LUZP1: variants seen among roughly 807,000 people sequenced by gnomAD.
LUZP1 encodes the protein filamin mechanobinding actin cross-linking protein.
Under a neutral mutation model 71.3 loss-of-function variants are expected in LUZP1, and 25 were observed. That is an observed-to-expected ratio of 0.35 (90% CI 0.26 to 0.49). LUZP1 has a LOEUF of 0.49. LUZP1 is among the 20% of genes least tolerant of loss of function. LUZP1 has a pLI of 0.99. For missense variants in LUZP1, 1,142 were observed against 1,300.8 expected (o/e 0.88, Z 1.88); for synonymous variants, 481 against 506.4 (o/e 0.95, Z 0.67).
intron 2 of LUZP1, among the ~76,000 whole-genome samples, chr1:23,109,422 C>A (rs751863047): frequency 9.2e-5 from 14 of 152,188 alleles, no homozygotes; most frequent in Non-Finnish European, 1.0e-4. Context: ...CCCGAACATT[C>A]CTCAACAGTC....
intron 2 of LUZP1, among the ~76,000 whole-genome samples, chr1:23,117,478 C>CTCTCTCT (rs35662791): frequency 0.032 from 559 of 17,318 alleles, 5 homozygotes; most frequent in South Asian, 0.054. Flanking sequence ...TCTCTCTCTC[C>CTCTCTCT]CCCCCCCCCC....
At chr1:23,111,391 C>CA (rs530620134) in intron 2 of LUZP1, among the ~76,000 whole-genome samples, 25,544 of 140,892 alleles carry the variant, frequency 0.18, 2,250 homozygotes, top group African/African-American at 0.22. Context: ...CCCATCTCTA[C>CA]AAAAAAAAAA....
chr1:23,117,143 T>C (rs930008247), intron 2 of LUZP1, among the ~76,000 whole-genome samples: 9 of 152,180 alleles, frequency 5.9e-5, no homozygotes, highest in Non-Finnish European at 1.2e-4. Context: ...TTTGTCTCTA[T>C]TCCACACTCT....
At chr1:23,121,299 C>A (rs1418417104) in intron 2 of LUZP1, among the ~76,000 whole-genome samples, 1 of 152,204 alleles carries the variant, frequency 6.6e-6, no homozygotes, top group African/African-American at 2.4e-5. Context: ...CTAAATGCCT[C>A]AAGAGCAGAG....
chr1:23,156,415 G>A (rs529774787), intron 2 of LUZP1, among the ~76,000 whole-genome samples: 1 of 152,052 alleles, frequency 6.6e-6, no homozygotes, highest in East Asian at 1.9e-4. Flanking sequence ...TGGAAAGTGG[G>A]CCAGAAAAAT....
At chr1:23,116,061 C>A (rs1644075649) in intron 2 of LUZP1, among the ~76,000 whole-genome samples, 1 of 152,050 alleles carries the variant, frequency 6.6e-6, no homozygotes, top group Admixed American at 6.5e-5. Flanking sequence ...CCAGCCTGGG[C>A]AACATAGCAA....
At chr1:23,105,422 G>A (rs183478958) in intron 3 of LUZP1, among the ~76,000 whole-genome samples, 5 of 152,238 alleles carry the variant, frequency 3.3e-5, no homozygotes, top group African/African-American at 9.6e-5. Context: ...TAAAGTTTAC[G>A]AACTCTGAAG....
intron 2 of LUZP1, among the ~76,000 whole-genome samples, chr1:23,122,039 A>C (rs919065224): frequency 4.6e-5 from 7 of 152,048 alleles, no homozygotes; most frequent in Non-Finnish European, 2.9e-5. Context: ...TTAATTAATT[A>C]ATTAATTTTA....
At position 23,138,997 on chromosome 1, in the gene LUZP1, C is replaced by CAAAAAAAAAA. The variant is rs535524035; in HGVS notation, c.-226+29759_-226+29768dup. Among the ~76,000 whole-genome samples the CAAAAAAAAAA allele has an allele frequency of 4.1e-3, 89 of 21,578 alleles. 11 individuals are homozygous for CAAAAAAAAAA. The highest frequency in any genetic ancestry group is 5.5e-3 in the Admixed American group (6 of 1,088). The allele number at this position is 21,578 out of a possible 152,430, so 14.2% of individuals were successfully genotyped here. On this transcript the variant is annotated intron_variant, in intron 2 of 4. Transcript: ENST00000302291. ...TGGGTGACAGAGCAAGACTCCATCT[C>CAAAAAAAAAA]AAAAAAAAAAAAAAAAAAAAAAATA...
intron 2 of LUZP1, among the ~76,000 whole-genome samples, chr1:23,126,045 A>T (rs908415775): frequency 2.0e-5 from 3 of 152,220 alleles, no homozygotes; most frequent in Admixed American, 6.5e-5. Context: ...CAGATAGTCC[A>T]CAGACTATAC....
chr1:23,092,085 T>C (rs767939656), exon 4 of LUZP1: 3 of 1,614,176 alleles, frequency 1.9e-6, no homozygotes, highest in African/African-American at 2.7e-5. Context: ...CTCCATGGTA[T>C]TGGTGGAGGC....
At chr1:23,092,579 A>T in exon 4 of LUZP1, 1 of 1,614,202 alleles carries the variant, frequency 6.2e-7, no homozygotes, top group Non-Finnish European at 8.5e-7. Flanking sequence ...CAATGGCCTT[A>T]GAACAGCCAG....
chr1:23,091,378 C>G (rs1643850055), exon 4 of LUZP1: 1 of 1,614,072 alleles, frequency 6.2e-7, no homozygotes, highest in Non-Finnish European at 8.5e-7. Flanking sequence ...TGTTCGAGTT[C>G]TGAGAAGTCT....
chr1:23,173,924 C>G (rs1321662373), intron 1 of LUZP1, among the ~76,000 whole-genome samples: 1 of 152,110 alleles, frequency 6.6e-6, no homozygotes, highest in Non-Finnish European at 1.5e-5. Flanking sequence ...AAAAGTAAGA[C>G]ACCTAATAGA....
intron 2 of LUZP1, among the ~76,000 whole-genome samples, chr1:23,142,661 C>T (rs1644312229): frequency 6.6e-6 from 1 of 151,346 alleles, no homozygotes; most frequent in African/African-American, 2.4e-5. Flanking sequence ...GGCACACAGG[C>T]ATCCAATAAA....
chr1:23,168,827 C>A (rs115892653), exon 2 of LUZP1: 16,331 of 152,808 alleles, frequency 0.11, 1,229 homozygotes, highest in Non-Finnish European at 0.17. Context: ...TGCCAGCGAC[C>A]GGCGCCTCCT....
chr1:23,136,407 A>G (rs1644253268), intron 2 of LUZP1, among the ~76,000 whole-genome samples: 1 of 152,110 alleles, frequency 6.6e-6, no homozygotes, highest in Non-Finnish European at 1.5e-5. Context: ...ACAGCATTAC[A>G]TAGGTCCTGT....
At chr1:23,156,544 A>G (rs1219617993) in intron 2 of LUZP1, among the ~76,000 whole-genome samples, 1 of 152,220 alleles carries the variant, frequency 6.6e-6, no homozygotes, top group Non-Finnish European at 1.5e-5. Flanking sequence ...TATTAACGTT[A>G]TAAATAAAAT....
chr1:23,142,708 C>T (rs1258078184), intron 2 of LUZP1, among the ~76,000 whole-genome samples: 17 of 51,902 alleles, frequency 3.3e-4, no homozygotes, highest in African/African-American at 9.2e-4. Context: ...TATACACACA[C>T]ACACACACAC....
Sources: allele counts gnomAD v4.1 joint callset (sites outside exome capture counted in the v4.1 genomes callset), GRCh38; gene constraint gnomAD v4.1.1; transcripts MANE v1.5; gene names NCBI Gene and HGNC (gene_info 2026-07-23, HGNC 2026-07-21).